Variants in CPZ observed in about 807,000 individuals in gnomAD.
CPZ encodes the protein VEZT/CPZ fusion.
Under a neutral mutation model 61.8 loss-of-function variants are expected in CPZ, and 103 were observed. The observed-to-expected ratio is 1.67, with a 90% confidence interval of 1.42 to 1.96. The LOEUF is 1.96. CPZ is among the 30% of genes most tolerant of loss of function. The pLI is 0.00. For missense variants in CPZ, 1,461 were observed against 914.9 expected, an observed-to-expected ratio of 1.60 and a Z score of -7.70; for synonymous variants, 551 against 373.7, an observed-to-expected ratio of 1.47 and a Z score of -5.47.
At chr4:8,604,236 C>A in intron 4 of CPZ, 48 bp downstream of exon 4, 1 of 1,468,522 alleles carries the variant, frequency 6.8e-7, no homozygotes, top group Non-Finnish European at 9.1e-7. Flanking sequence ...CGGGAAAGGG[C>A]TTGGGCCGCT....
At position 8,607,281 on chromosome 4, in the gene CPZ, A is replaced by C. The variant is rs749461918; in HGVS notation, c.1083A>C (p.Thr361=). Residue 361 remains threonine (T), a synonymous_variant, in exon 7 of 11, where the codon ACA becomes ACC. Coordinates refer to ENST00000360986, the MANE Select transcript of CPZ (RefSeq NM_001014447.3). ...GTCCTGGGCAGGTGGCCCCGGAGACAAAGGCAATCATGAAGTGGATGCAGA... is the reference window on the plus strand; with the variant it reads ...GTCCTGGGCAGGTGGCCCCGGAGACCAAGGCAATCATGAAGTGGATGCAGA... ...HYWWGKVAPE[T]KAIMKWMQTI... is the part of the protein sequence containing the mutation. The C allele has an allele frequency of 6.2e-7, 1 of 1,613,906 alleles. No homozygotes were observed. The highest frequency in any genetic ancestry group is 1.3e-5 in the African/African-American group (1 of 74,926).
chr4:8,617,720 G>T (rs1285263118), intron 9 of CPZ, among the ~76,000 whole-genome samples: 1 of 152,144 alleles, frequency 6.6e-6, no homozygotes, highest in Non-Finnish European at 1.5e-5. Context: ...CAGGCATCCT[G>T]GTCCTGCTCA....
At chr4:8,598,295 C>A (rs984723703) in intron 1 of CPZ, among the ~76,000 whole-genome samples, 1 of 152,224 alleles carries the variant, frequency 6.6e-6, no homozygotes, top group Non-Finnish European at 1.5e-5. Flanking sequence ...AGGGTGGGAG[C>A]TGCCTGGCCA....
chr4:8,613,212 A>G (rs917903475), intron 8 of CPZ, among the ~76,000 whole-genome samples: 1 of 151,244 alleles, frequency 6.6e-6, no homozygotes, highest in East Asian at 2.0e-4. Flanking sequence ...GCTCACTGCA[A>G]TCTCTGCCTC....
chr4:8,614,265 G>C, intron 8 of CPZ, 94 bp from the exon 9 acceptor site: 8 of 1,458,528 alleles, frequency 5.5e-6, no homozygotes, highest in Non-Finnish European at 7.3e-6. Flanking sequence ...ACACCCCGGC[G>C]TCCCGGCTGT....
intron 9 of CPZ, 106 bp downstream of exon 9, chr4:8,614,604 C>T (rs904704089): frequency 3.4e-6 from 4 of 1,188,776 alleles, no homozygotes; most frequent in Non-Finnish European, 4.7e-6. Context: ...CCCATACACA[C>T]ATGCTCCTTT....
intron 7 of CPZ, among the ~76,000 whole-genome samples, chr4:8,608,536 A>G (rs890093778): frequency 6.6e-6 from 1 of 151,878 alleles, no homozygotes; most frequent in African/African-American, 2.4e-5. Flanking sequence ...TGGGAATGCA[A>G]ACGGGACTGG....
Position 8,601,293 on chromosome 4 carries a change from C to A in CPZ, c.292C>A (p.Arg98=). 6.2e-7 allele frequency: 1 copy of A among 1,613,186 alleles called. No individual in the cohort carries two copies. The highest frequency in any genetic ancestry group is 8.5e-7 in the Non-Finnish European group (1 of 1,179,738). ...GGAAGGCCAGTGCAACCCGGACCTGCGGCTGCTGGGCTGTGCTGTGCTGGC... is the reference window on the plus strand; with the variant it reads ...GGAAGGCCAGTGCAACCCGGACCTGAGGCTGCTGGGCTGTGCTGTGCTGGC... ...LLEGQCNPDL[R]LLGCAVLAPR... is the part of the protein sequence containing the mutation. Residue 98 remains arginine, a synonymous_variant, in exon 3 of 11, where the codon CGG becomes AGG. Transcript: ENST00000360986.
At chr4:8,601,718 GC>G (rs1468411967) in intron 3 of CPZ, among the ~76,000 whole-genome samples, 1 of 152,174 alleles carries the variant, frequency 6.6e-6, no homozygotes, top group Non-Finnish European at 1.5e-5. Flanking sequence ...GCTGCCCAGG[GC>G]CCCCTAGCAG....
chr4:8,611,137 T>A (rs537053265), intron 7 of CPZ: 1 of 433,840 alleles, frequency 2.3e-6, no homozygotes, highest in African/African-American at 2.0e-5. Context: ...CACCCTCTAG[T>A]GTCCTCCACT....
chr4:8,619,517 G>C lies in CPZ; in HGVS notation c.1859G>C (p.Arg620Pro). The change falls in exon 11 of 11, where the codon CGG becomes CCG. Residue 620 changes from arginine to proline, a missense_variant. Coordinates refer to ENST00000360986, the MANE Select transcript of CPZ (RefSeq NM_001014447.3). ...GAGGCCACGGAGCCCGACCCGCTCC[G>C]GGCGCGCAGGCAGCCCTCGGCCGAC... ...LGEATEPDPLRARRQPSADGS... is the reference protein window; with the variant it reads ...LGEATEPDPLPARRQPSADGS... 3.1e-6 allele frequency: 5 copies of C among 1,595,212 alleles called. No homozygotes were observed. Among genetic ancestry groups the C allele is most frequent in the South Asian group, 2.3e-5 (2 of 88,656 alleles).
chr4:8,601,469 C>A lies in CPZ; in HGVS notation c.468C>A (p.Gly156=). The stretch of plus-strand genomic sequence containing the variant: ...GCTACTTCACGAGAGAGGACGAGGG[C>A]TGCTATGACCCGCTGGAGAAGCTTC... ...CHRYFTREDE[G]CYDPLEKLRG... Residue 156 remains glycine (G), a synonymous_variant, in exon 3 of 11, where the codon GGC becomes GGA. Transcript: ENST00000360986. 3 of 1,504,424 alleles carry A rather than the reference C, an allele frequency of 2.0e-6. No homozygotes were observed. The highest frequency in any genetic ancestry group is 2.7e-6 in the Non-Finnish European group (3 of 1,125,058). The allele number at this position is 1,504,424 out of a possible 1,614,324, so 93.2% of individuals were successfully genotyped here. A position where few individuals can be genotyped will look rare whatever the true frequency, so the allele number is the denominator to read the frequency against.
chr4:8,608,495 C>T (rs1423132942), intron 7 of CPZ, among the ~76,000 whole-genome samples: 1 of 152,178 alleles, frequency 6.6e-6, no homozygotes, highest in Non-Finnish European at 1.5e-5. Context: ...CCCTGCCTCA[C>T]CTGGGCCCCT....
intron 7 of CPZ, 68 bp from the exon 8 acceptor site, chr4:8,611,959 A>T (rs916417498): frequency 1.2e-6 from 2 of 1,608,090 alleles, no homozygotes; most frequent in African/African-American, 2.7e-5. Context: ...TCCTCCCCTC[A>T]TTGACCCCAG....
At chr4:8,615,714 G>A (rs1446256989) in intron 9 of CPZ, among the ~76,000 whole-genome samples, 1 of 152,210 alleles carries the variant, frequency 6.6e-6, no homozygotes, top group Non-Finnish European at 1.5e-5. Flanking sequence ...GAGACAGAGG[G>A]TCAGAGAGTG....
At chr4:8,607,964 C>G (rs1006313604) in intron 7 of CPZ, among the ~76,000 whole-genome samples, 1 of 152,212 alleles carries the variant, frequency 6.6e-6, no homozygotes, top group African/African-American at 2.4e-5. Flanking sequence ...GTTTCTCCTA[C>G]TGTTCGTAGA....
At chr4:8,613,294 G>C (rs553765923) in intron 8 of CPZ, among the ~76,000 whole-genome samples, 1 of 152,172 alleles carries the variant, frequency 6.6e-6, no homozygotes, top group African/African-American at 2.4e-5. Context: ...ACCACACCCA[G>C]CTAATTTTTG....
chr4:8,619,386 T>G lies in CPZ; in HGVS notation c.1728T>G (p.Arg576=). 6.2e-7 allele frequency: 1 copy of G among 1,614,176 alleles called. No homozygotes were observed. Among genetic ancestry groups the G allele is most frequent in the Non-Finnish European group, 8.5e-7 (1 of 1,180,014 alleles). The change falls in exon 11 of 11, where the codon CGT becomes CGG. Residue 576 remains arginine, a synonymous_variant. Coordinates refer to ENST00000360986, the MANE Select transcript of CPZ (RefSeq NM_001014447.3). The part of the protein sequence containing the change: ...IIPARMKRAG[R]VDFILQPLGM... ...CCGCCCGGATGAAGAGGGCTGGCCGTGTGGACTTCATTCTGCAACCTCTGG... is the reference window on the plus strand; with the variant it reads ...CCGCCCGGATGAAGAGGGCTGGCCGGGTGGACTTCATTCTGCAACCTCTGG...
chr4:8,593,210 A>C (rs1713926961), intron 1 of CPZ, among the ~76,000 whole-genome samples: 1 of 152,172 alleles, frequency 6.6e-6, no homozygotes, highest in South Asian at 2.1e-4. Flanking sequence ...TGTCGGACAC[A>C]GCAGCAGGGG....
Sources: gnomAD v4.1 joint callset for allele counts (sites outside exome capture counted in the v4.1 genomes callset) on GRCh38, gnomAD v4.1.1 for gene constraint, MANE v1.5 for transcripts, NCBI Gene and HGNC (gene_info 2026-07-23, HGNC 2026-07-21) for gene names.